Variants in SGCZ observed in about 807,000 individuals in gnomAD.
The protein encoded by SGCZ is sarcoglycan zeta.
In SGCZ, 40 loss-of-function variants were observed where a neutral mutation model predicts 41.3. The ratio of observed to expected loss-of-function variants is 0.97; its 90% confidence interval spans 0.75 to 1.26. The LOEUF is 1.26. SGCZ is among the 50% of genes most tolerant of loss of function. The probability of loss-of-function intolerance (pLI) is 0.00; values close to 1 mark genes in which losing one functional copy is unlikely to be tolerated. For missense variants in SGCZ, 552 were observed against 369.8 expected, an observed-to-expected ratio of 1.49 and a Z score of -4.04; for synonymous variants, 206 against 137.5, an observed-to-expected ratio of 1.50 and a Z score of -3.49.
chr8:15,107,938 T>C (rs77640706), intron 1 of SGCZ, among the ~76,000 whole-genome samples: 1 of 152,208 alleles, frequency 6.6e-6, no homozygotes, highest in African/African-American at 2.4e-5. Flanking sequence ...CAAATCATTA[T>C]AAGTTTGTAA....
chr8:15,225,289 T>C (rs146432558), intron 1 of SGCZ, among the ~76,000 whole-genome samples: 97 of 151,692 alleles, frequency 6.4e-4, no homozygotes, highest in Middle Eastern at 3.4e-3. Context: ...CAGCTAAATA[T>C]CCAAAGTGTA....
intron 6 of SGCZ, among the ~76,000 whole-genome samples, chr8:14,106,088 A>G (rs1451831355): frequency 3.9e-5 from 6 of 152,184 alleles, no homozygotes; most frequent in Non-Finnish European, 8.8e-5. Context: ...TATCCCATTC[A>G]TTTAGTTAAT....
chr8:14,200,057 G>A (rs148365045), intron 4 of SGCZ, among the ~76,000 whole-genome samples: 165 of 152,210 alleles, frequency 1.1e-3, no homozygotes, highest in Non-Finnish European at 1.7e-3. Flanking sequence ...AATTGGGTCC[G>A]GTAGTATCCA....
At chr8:15,142,914 A>C (rs371751105) in intron 1 of SGCZ, among the ~76,000 whole-genome samples, 9 of 152,212 alleles carry the variant, frequency 5.9e-5, no homozygotes, top group East Asian at 1.9e-4. Context: ...CCAGCCAAAA[A>C]TGCTACTTTA....
intron 1 of SGCZ, among the ~76,000 whole-genome samples, chr8:14,775,067 G>C (rs1206852813): frequency 3.3e-5 from 5 of 152,108 alleles, no homozygotes; most frequent in Non-Finnish European, 7.4e-5. Flanking sequence ...AAATTGTAAA[G>C]AAAATTGCAC....
At chr8:14,795,042 T>G (rs1801079904) in intron 1 of SGCZ, among the ~76,000 whole-genome samples, 1 of 152,148 alleles carries the variant, frequency 6.6e-6, no homozygotes, top group Non-Finnish European at 1.5e-5. Flanking sequence ...AGGATATGGT[T>G]TACAAAGATG....
intron 1 of SGCZ, among the ~76,000 whole-genome samples, chr8:15,158,674 T>G (rs139520469): frequency 2.6e-5 from 4 of 152,188 alleles, no homozygotes; most frequent in African/African-American, 4.8e-5. Flanking sequence ...CTGGGTAGGT[T>G]CTTTGAATAT....
chr8:14,489,238 G>A (rs946632129), intron 2 of SGCZ, among the ~76,000 whole-genome samples: 1 of 151,916 alleles, frequency 6.6e-6, no homozygotes, highest in Non-Finnish European at 1.5e-5. Context: ...CGGGAACAAC[G>A]ATTTGTAAAA....
intron 1 of SGCZ, among the ~76,000 whole-genome samples, chr8:14,931,669 T>C (rs1585389528): frequency 6.6e-6 from 1 of 152,162 alleles, no homozygotes; most frequent in East Asian, 1.9e-4. Flanking sequence ...TAATGTTACA[T>C]ATGTGAATTA....
At chr8:14,706,849 A>C (rs62495171) in intron 1 of SGCZ, among the ~76,000 whole-genome samples, 58,775 of 151,940 alleles carry the variant, frequency 0.39, 13,996 homozygotes, top group Non-Finnish European at 0.54. Flanking sequence ...GCTGACGGTT[A>C]GTTTGATTCA....
At chr8:14,576,672 C>A (rs74340342) in intron 1 of SGCZ, among the ~76,000 whole-genome samples, 1,575 of 152,220 alleles carry the variant, frequency 0.01, 29 homozygotes, top group Middle Eastern at 0.075. Flanking sequence ...TCTTTAGAAT[C>A]TTTTTAATCT....
intron 1 of SGCZ, among the ~76,000 whole-genome samples, chr8:14,607,693 C>A (rs989069797): frequency 8.8e-6 from 1 of 113,644 alleles, no homozygotes; most frequent in Non-Finnish European, 1.9e-5. Context: ...GATCTCAACT[C>A]GTGGGATCTA....
chr8:14,396,004 T>C (rs1231460067), intron 2 of SGCZ, among the ~76,000 whole-genome samples: 3 of 152,338 alleles, frequency 2.0e-5, no homozygotes, highest in East Asian at 3.9e-4. Flanking sequence ...CCTCACTGTA[T>C]GTGCGTTTAT....
chr8:14,514,690 T>A (rs1051197500), intron 2 of SGCZ, among the ~76,000 whole-genome samples: 1 of 149,216 alleles, frequency 6.7e-6, no homozygotes. Context: ...TACGTATATA[T>A]TTACATATAT....
At chr8:14,613,357 C>T (rs1334940909) in intron 1 of SGCZ, among the ~76,000 whole-genome samples, 3 of 152,054 alleles carry the variant, frequency 2.0e-5, no homozygotes, top group Non-Finnish European at 2.9e-5. Context: ...ACGATTGGAA[C>T]CATTTTTAGG....
chr8:14,821,239 G>C (rs887302690), intron 1 of SGCZ, among the ~76,000 whole-genome samples: 2 of 151,894 alleles, frequency 1.3e-5, no homozygotes, highest in African/African-American at 4.8e-5. Flanking sequence ...TACATTCCTA[G>C]ACATACACTG....
chr8:14,160,110 T>TA (rs939072982), intron 5 of SGCZ, among the ~76,000 whole-genome samples: 2 of 151,976 alleles, frequency 1.3e-5, no homozygotes, highest in South Asian at 2.1e-4. Context: ...TGCTACTGTC[T>TA]AAAAAAAAGC....
chr8:15,206,361 A>G (rs1198336990), intron 1 of SGCZ, among the ~76,000 whole-genome samples: 1 of 152,056 alleles, frequency 6.6e-6, no homozygotes, highest in East Asian at 1.9e-4. Context: ...ATTTCTTGAG[A>G]GTAGTGACTT....
chr8:14,629,321 T>C (rs888202727), intron 1 of SGCZ, among the ~76,000 whole-genome samples: 6 of 151,326 alleles, frequency 4.0e-5, no homozygotes, highest in Non-Finnish European at 7.4e-5. Flanking sequence ...TTTTTAAAAA[T>C]TGTTTTTAGT....
Sources: gnomAD v4.1 joint callset for allele counts (sites outside exome capture counted in the v4.1 genomes callset) on GRCh38, gnomAD v4.1.1 for gene constraint, MANE v1.5 for transcripts, NCBI Gene and HGNC (gene_info 2026-07-23, HGNC 2026-07-21) for gene names.